Variants in FEM1B observed in about 807,000 individuals in gnomAD.
The protein encoded by FEM1B is fem-1 homolog B, also known as protein fem-1 homolog B.
A neutral mutation model predicts 38.6 loss-of-function variants in FEM1B; 10 were observed. The ratio of observed to expected loss-of-function variants is 0.26; its 90% CI spans 0.16 to 0.44. FEM1B has a LOEUF of 0.44. Among genes scored for constraint, FEM1B ranks in the 20% least tolerant of loss-of-function variants. The probability of loss-of-function intolerance (pLI) is 1.00; values close to 1 mark genes in which losing one functional copy is unlikely to be tolerated. For missense variants in FEM1B, 471 were observed against 786.7 expected (o/e 0.60, Z 4.80); for synonymous variants, 288 against 288.0 (o/e 1.00, Z 0.00).
In FEM1B at chr15:68,278,558, C is replaced by T; in HGVS notation, c.141C>T (p.Ser47=). Residue 47 remains serine, a synonymous_variant, in exon 1 of 2, where the codon TCC becomes TCT. Transcript: ENST00000306917. This position sits in a 1 kb window ranked among gnomAD's most constrained non-coding sequence, Gnocchi z 5.7. ...GYVSQQGGQR[S]TPLIIAARNG... ...TCAGCCAGCAGGGAGGGCAGCGCTC[C>T]ACGCCCCTCATCATCGCAGCCCGCA... is the stretch of plus-strand genomic sequence containing the variant. The T allele has an allele frequency of 6.2e-7, 1 of 1,614,122 alleles. No individual in the cohort carries two copies. Among genetic ancestry groups the T allele is most frequent in the South Asian group, 1.1e-5 (1 of 91,084 alleles).
chr15:68,283,981 G>T (rs939799112), intron 1 of FEM1B, among the ~76,000 whole-genome samples: 1 of 151,574 alleles, frequency 6.6e-6, no homozygotes, highest in African/African-American at 2.4e-5. Flanking sequence ...TGCCTCCCAG[G>T]TTCAAGCAAT....
At position 68,278,300 on chromosome 15, in the gene FEM1B, G is replaced by A; in HGVS notation, c.-118G>A. The A allele has an allele frequency of 1.5e-6, 2 of 1,354,178 alleles. No individual in the cohort carries two copies. The highest frequency in any genetic ancestry group is 2.5e-5 in the East Asian group (1 of 39,576). 83.9% of individuals were successfully genotyped at this position (1,354,178 alleles called of 1,614,324 possible). A position where few individuals can be genotyped will look rare whatever the true frequency, so the allele number is the denominator to read the frequency against. On this transcript the variant is annotated 5_prime_UTR_variant, in exon 1 of 2. Transcript: ENST00000306917. The surrounding 1 kb of genome is among the most constrained non-coding windows in gnomAD (Gnocchi z 5.7). ...CTGCCTGGGCGCGGCGGCGGCGACG[G>A]CGCCCTGTTGAATGGGCTGTGAGGG...
rs1892867906 is a variant in FEM1B, at chr15:68,293,416, T to C, written c.*2174T>C. On this transcript the variant is annotated 3_prime_UTR_variant, in exon 2 of 2. Transcript: ENST00000306917. This position sits in a 1 kb window ranked among gnomAD's most constrained non-coding sequence, Gnocchi z 5.8. ...GGACCAGCACTATTTAAGACACTGC[T>C]TATTTATAAAATGAGAATAATGATT... The C allele has an allele frequency of 6.6e-6, 1 of 152,214 alleles. No individual in the cohort carries two copies. The highest frequency in any genetic ancestry group is 2.1e-4 in the South Asian group (1 of 4,836). 9.4% of individuals were successfully genotyped at this position (152,214 alleles called of 1,614,324 possible).
chr15:68,283,730 A>G (rs1046590287), intron 1 of FEM1B, among the ~76,000 whole-genome samples: 3 of 152,088 alleles, frequency 2.0e-5, no homozygotes, highest in Non-Finnish European at 4.4e-5. Flanking sequence ...AATTGTTACT[A>G]TGTATTAACT....
Position 68,280,965 on chromosome 15 carries a change from A to G in FEM1B, c.248+2300A>G, listed in dbSNP as rs1415727623. The stretch of plus-strand genomic sequence containing the variant: ...AGGAAATCTAAGGTTTCTACTTTTG[A>G]GAAGCTTACAAATTAATTAATAAAA... On this transcript the variant is annotated intron_variant, in intron 1 of 1. Transcript: ENST00000306917. The surrounding 1 kb of genome is among the most constrained non-coding windows in gnomAD (Gnocchi z 4.2). Among the ~76,000 whole-genome samples the G allele has an allele frequency of 6.6e-6, 1 of 152,240 alleles. No individual in the cohort carries two copies. The highest frequency in any genetic ancestry group is 1.5e-5 in the Non-Finnish European group (1 of 68,042).
intron 1 of FEM1B, among the ~76,000 whole-genome samples, chr15:68,286,443 C>G (rs1161510403): frequency 6.6e-6 from 1 of 151,852 alleles, no homozygotes; most frequent in East Asian, 1.9e-4. Context: ...GTGGCCTGAT[C>G]ATGGCTCATT....
chr15:68,291,363 C>A lies in FEM1B; in HGVS notation c.*121C>A. 2 of 702,822 alleles carry A rather than the reference C, an allele frequency of 2.8e-6. No individual in the cohort carries two copies. Among genetic ancestry groups the A allele is most frequent in the East Asian group, 2.7e-5 (1 of 36,538 alleles). 43.5% of individuals were successfully genotyped at this position (702,822 alleles called of 1,614,324 possible). ...CTTTCCACTACCCTTCCTCCCATCC[C>A]ATCCTTCCTTAGTTCTGTATTTGTT... On this transcript the variant is annotated 3_prime_UTR_variant, in exon 2 of 2. Coordinates refer to ENST00000306917, the MANE Select transcript of FEM1B (RefSeq NM_015322.5). The surrounding 1 kb of genome is among the most constrained non-coding windows in gnomAD (Gnocchi z 6.9).
chr15:68,282,994 T>G (rs1157201475), intron 1 of FEM1B, among the ~76,000 whole-genome samples: 2 of 152,190 alleles, frequency 1.3e-5, no homozygotes, highest in East Asian at 3.8e-4. Flanking sequence ...TTTAAAATTT[T>G]TAATTGCCTC....
At position 68,295,507 on chromosome 15, in the gene FEM1B, G is replaced by A. The variant is rs898375105; in HGVS notation, c.*4265G>A. Reference sequence around the variant, plus strand: ...GGAGTAAAATCTGACTGGCCTAATCGATGGAAAAGACCCTGTCCTTTTCAC... The same window carrying A: ...GGAGTAAAATCTGACTGGCCTAATCAATGGAAAAGACCCTGTCCTTTTCAC... On this transcript the variant is annotated 3_prime_UTR_variant, in exon 2 of 2. Coordinates refer to ENST00000306917, the MANE Select transcript of FEM1B (RefSeq NM_015322.5). 6.6e-6 allele frequency: 1 copy of A among 152,112 alleles called. No homozygotes were observed. The highest frequency in any genetic ancestry group is 6.6e-5 in the Admixed American group (1 of 15,262). The allele number at this position is 152,112 out of a possible 1,614,324, so 9.4% of individuals were successfully genotyped here. A position where few individuals can be genotyped will look rare whatever the true frequency, so the allele number is the denominator to read the frequency against.
At chr15:68,286,227 T>C (rs1285461129) in intron 1 of FEM1B, among the ~76,000 whole-genome samples, 1 of 152,012 alleles carries the variant, frequency 6.6e-6, no homozygotes, top group Non-Finnish European at 1.5e-5. Context: ...GTTTTTTTTT[T>C]TTTTGGTCTG....
chr15:68,285,779 T>C (rs1018431500), intron 1 of FEM1B, among the ~76,000 whole-genome samples: 4 of 151,754 alleles, frequency 2.6e-5, no homozygotes, highest in Admixed American at 2.0e-4. Flanking sequence ...AACAGTCCTC[T>C]TCTTAGCCCC....
chr15:68,279,149 C>A (rs1283078572), intron 1 of FEM1B, among the ~76,000 whole-genome samples: 2 of 152,138 alleles, frequency 1.3e-5, no homozygotes, highest in African/African-American at 4.8e-5. Flanking sequence ...GCTTTAATGT[C>A]AAAATAAGCA....
chr15:68,279,675 GA>G (rs112320487), intron 1 of FEM1B, among the ~76,000 whole-genome samples: 7,916 of 151,922 alleles, frequency 0.052, 666 homozygotes, highest in African/African-American at 0.17. Flanking sequence ...AAACTCGACT[GA>G]AAAAAACATT....
At position 68,284,119 on chromosome 15, in the gene FEM1B, A is replaced by AG. The variant is rs1892757885; in HGVS notation, c.248+5456dup. Among the ~76,000 whole-genome samples, 1 of 152,176 alleles carries AG rather than the reference A, an allele frequency of 6.6e-6. No homozygotes were observed. On this transcript the variant is annotated intron_variant, in intron 1 of 1. Coordinates refer to ENST00000306917, the MANE Select transcript of FEM1B (RefSeq NM_015322.5). The surrounding 1 kb of genome is among the most constrained non-coding windows in gnomAD (Gnocchi z 4.4). ...AGGCTGGTCTTGAACTACCCACCTC[A>AG]GGTGATCCACCCACCTTGGCCTCCC...
At position 68,278,317 on chromosome 15, in the gene FEM1B, C is replaced by T; in HGVS notation, c.-101C>T. ...CGGCGACGGCGCCCTGTTGAATGGG[C>T]TGTGAGGGCCCAGGTTTAAAGCGCT... On this transcript the variant is annotated 5_prime_UTR_variant, in exon 1 of 2. Transcript: ENST00000306917. The surrounding 1 kb of genome is among the most constrained non-coding windows in gnomAD (Gnocchi z 5.7). 6.9e-7 allele frequency: 1 copy of T among 1,447,404 alleles called. No homozygotes were observed. The highest frequency in any genetic ancestry group is 9.2e-7 in the Non-Finnish European group (1 of 1,081,956). The allele number at this position is 1,447,404 out of a possible 1,614,324, so 89.7% of individuals were successfully genotyped here.
In FEM1B at chr15:68,284,645, T is replaced by C. The variant is rs774354567; in HGVS notation, c.249-4962T>C. 1.3e-5 allele frequency among the ~76,000 whole-genome samples: 2 copies of C among 152,198 alleles called. No homozygotes were observed. Among genetic ancestry groups the C allele is most frequent in the African/African-American group, 2.4e-5 (1 of 41,436 alleles). Reference sequence around the variant, plus strand: ...CAATGTGTAGAACACTTTATCACTCTAAAAGTTTCCCTTGTGCCCCTTCTC... The same window carrying C: ...CAATGTGTAGAACACTTTATCACTCCAAAAGTTTCCCTTGTGCCCCTTCTC... On this transcript the variant is annotated intron_variant, in intron 1 of 1. Coordinates refer to ENST00000306917, the MANE Select transcript of FEM1B (RefSeq NM_015322.5). This position sits in a 1 kb window ranked among gnomAD's most constrained non-coding sequence, Gnocchi z 4.4.
At chr15:68,285,757 C>G (rs2140243897) in intron 1 of FEM1B, among the ~76,000 whole-genome samples, 1 of 150,394 alleles carries the variant, frequency 6.6e-6, no homozygotes, top group South Asian at 2.1e-4. Context: ...TGGTCTTGAA[C>G]TCTTAGGTTC....
rs1402552418 is a variant in FEM1B at position 68,293,627 on chromosome 15, A to C, written c.*2385A>C. 1 of 152,154 alleles carries C rather than the reference A, an allele frequency of 6.6e-6. No individual in the cohort carries two copies. Among genetic ancestry groups the C allele is most frequent in the Non-Finnish European group, 1.5e-5 (1 of 68,016 alleles). The allele number at this position is 152,154 out of a possible 1,614,324, so 9.4% of individuals were successfully genotyped here. A position where few individuals can be genotyped will look rare whatever the true frequency, so the allele number is the denominator to read the frequency against. ...TTTTGTTTGTTTAGTATAGTGGTAA[A>C]TTGTGTAGTATCTTGCTGAGAATCT... On this transcript the variant is annotated 3_prime_UTR_variant, in exon 2 of 2. Coordinates refer to ENST00000306917, the MANE Select transcript of FEM1B (RefSeq NM_015322.5). The surrounding 1 kb of genome is among the most constrained non-coding windows in gnomAD (Gnocchi z 5.8).
At chr15:68,282,577 A>G (rs1463314011) in intron 1 of FEM1B, among the ~76,000 whole-genome samples, 3 of 152,200 alleles carry the variant, frequency 2.0e-5, no homozygotes, top group African/African-American at 7.2e-5. Flanking sequence ...AGTTTCCATC[A>G]TCTGATGGAT....
Sources: gnomAD v4.1 joint callset for allele counts (sites outside exome capture counted in the v4.1 genomes callset) on GRCh38, gnomAD v4.1.1 for gene constraint, Gnocchi (gnomAD v3.1) non-coding constraint, MANE v1.5 for transcripts, NCBI Gene and HGNC (gene_info 2026-07-23, HGNC 2026-07-21) for gene names.